The following PIP5K1B variants were observed in gnomAD, a reference collection of about 807,000 sequenced individuals.
PIP5K1B encodes the protein phosphatidylinositol 4-phosphate 5-kinase type-1 beta.
Under a neutral mutation model 67.0 loss-of-function variants are expected in PIP5K1B, and 42 were observed. The ratio of observed to expected loss-of-function variants is 0.63; its 90% CI spans 0.49 to 0.81. The LOEUF is 0.81. Among genes scored for constraint, PIP5K1B ranks in the 30% least tolerant of loss-of-function variants. The pLI, the probability that PIP5K1B is intolerant of heterozygous loss-of-function variation, is 0.00. For synonymous variants in PIP5K1B, 214 were observed against 231.4 expected (o/e 0.92, Z 0.68); for missense variants, 459 against 646.3 (o/e 0.71, Z 3.14).
chr9:68,999,093 G>A (rs147367553), intron 15 of PIP5K1B, among the ~76,000 whole-genome samples: 274 of 152,176 alleles, frequency 1.8e-3, no homozygotes, highest in African/African-American at 6.5e-3. Flanking sequence ...ATGTCCCTTG[G>A]TCCTTTGATC....
chr9:68,944,333 A>G (rs1264149214), intron 14 of PIP5K1B, among the ~76,000 whole-genome samples: 1 of 152,254 alleles, frequency 6.6e-6, no homozygotes, highest in African/African-American at 2.4e-5. Flanking sequence ...GTTAAGAACA[A>G]TTTCATTTAA....
intron 14 of PIP5K1B, among the ~76,000 whole-genome samples, chr9:68,975,530 G>A (rs1347298146): frequency 6.6e-6 from 1 of 152,218 alleles, no homozygotes; most frequent in East Asian, 1.9e-4. Context: ...GTTATGGAGG[G>A]AAAGTCAGTG....
intron 1 of PIP5K1B, among the ~76,000 whole-genome samples, chr9:68,733,648 T>C (rs1828569288): frequency 1.4e-5 from 2 of 140,844 alleles, no homozygotes; most frequent in South Asian, 4.8e-4. Context: ...TTTTTTTTTT[T>C]TTTTTTTTTG....
chr9:68,744,302 T>C (rs1829165223), intron 2 of PIP5K1B, among the ~76,000 whole-genome samples: 1 of 152,156 alleles, frequency 6.6e-6, no homozygotes, highest in Non-Finnish European at 1.5e-5. Context: ...CTTGAACAAA[T>C]AGGTTTCATG....
At chr9:68,905,970 G>C (rs1046631212) in intron 8 of PIP5K1B, among the ~76,000 whole-genome samples, 1 of 152,130 alleles carries the variant, frequency 6.6e-6, no homozygotes, top group Non-Finnish European at 1.5e-5. Context: ...GCAACTGAGT[G>C]TCCCTTTGAT....
At chr9:68,750,144 C>T (rs1287447603) in intron 2 of PIP5K1B, among the ~76,000 whole-genome samples, 2 of 152,226 alleles carry the variant, frequency 1.3e-5, no homozygotes, top group Non-Finnish European at 1.5e-5. Flanking sequence ...CTCTGCCATG[C>T]TACTTTGTCA....
intron 6 of PIP5K1B, among the ~76,000 whole-genome samples, chr9:68,882,671 A>G (rs1243801921): frequency 6.6e-6 from 1 of 152,192 alleles, no homozygotes; most frequent in Admixed American, 6.5e-5. Flanking sequence ...TGTTGTTTTC[A>G]TATTTTCACA....
intron 2 of PIP5K1B, among the ~76,000 whole-genome samples, chr9:68,786,670 G>A (rs1306381396): frequency 6.6e-6 from 1 of 151,772 alleles, no homozygotes; most frequent in Non-Finnish European, 1.5e-5. Context: ...GTGTATAGAA[G>A]GAAATCATGG....
rs1823228842 is a variant in PIP5K1B at position 68,863,922 on chromosome 9, T to C, written c.155T>C (p.Val52Ala). Reference protein sequence around the residue: ...GNLTSKPERDVLMQDFYVVES... With the variant: ...GNLTSKPERDALMQDFYVVES... Reference sequence around the variant, plus strand: ...CTCACTTCCAAGCCAGAACGAGATGTTCTTATGCAAGACTTTTATGTGGTG... The same window carrying C: ...CTCACTTCCAAGCCAGAACGAGATGCTCTTATGCAAGACTTTTATGTGGTG... The change falls in exon 5 of 16, where the codon GTT (valine) becomes GCT (alanine). Residue 52 changes from valine (V) to alanine (A), a missense_variant. Physicochemically the swap from Val to Ala is moderately conservative, Grantham distance 64. This residue lies in a region of PIP5K1B where 290 missense variants were observed against 474.4 expected (regional missense o/e 0.61). Transcript: ENST00000265382. The C allele has an allele frequency of 6.2e-7, 1 of 1,613,984 alleles. No homozygotes were observed. The highest frequency in any genetic ancestry group is 1.3e-5 in the African/African-American group (1 of 75,058).
intron 2 of PIP5K1B, among the ~76,000 whole-genome samples, chr9:68,769,522 G>A (rs1401282539): frequency 6.6e-6 from 1 of 152,168 alleles, no homozygotes; most frequent in Non-Finnish European, 1.5e-5. Flanking sequence ...CACACTGAAA[G>A]TATAACTAGC....
At chr9:68,772,691 A>G (rs1440872308) in intron 2 of PIP5K1B, among the ~76,000 whole-genome samples, 3 of 152,208 alleles carry the variant, frequency 2.0e-5, no homozygotes, top group Admixed American at 6.5e-5. Flanking sequence ...CTGCTTGTAT[A>G]TGAACCTTCC....
chr9:68,889,537 A>G (rs946562071), intron 7 of PIP5K1B, among the ~76,000 whole-genome samples: 16 of 151,998 alleles, frequency 1.1e-4, no homozygotes, highest in Admixed American at 5.9e-4. Context: ...GATTAAGACC[A>G]TCCTGGCTAA....
At chr9:68,999,083 A>G (rs1055587799) in intron 15 of PIP5K1B, among the ~76,000 whole-genome samples, 2 of 152,060 alleles carry the variant, frequency 1.3e-5, no homozygotes, top group African/African-American at 2.4e-5. Flanking sequence ...GTGGCTCCAC[A>G]TGTCCCTTGG....
chr9:68,721,420 G>T (rs771325930), intron 1 of PIP5K1B, among the ~76,000 whole-genome samples: 1 of 152,134 alleles, frequency 6.6e-6, no homozygotes, highest in Non-Finnish European at 1.5e-5. Context: ...TTGGGGAATG[G>T]TAGTAGTAGA....
At chr9:68,780,396 G>C (rs1344099489) in intron 2 of PIP5K1B, 1 of 1,613,794 alleles carries the variant, frequency 6.2e-7, no homozygotes, top group Non-Finnish European at 8.5e-7. Context: ...GGCCTCCCCT[G>C]TCCGCATGCA....
At chr9:68,975,566 T>A (rs1430575592) in intron 14 of PIP5K1B, among the ~76,000 whole-genome samples, 1 of 152,234 alleles carries the variant, frequency 6.6e-6, no homozygotes, top group East Asian at 1.9e-4. Flanking sequence ...CGAGGCCAGC[T>A]TGTCCTTCAG....
At chr9:68,946,308 G>A (rs1283300425) in intron 14 of PIP5K1B, among the ~76,000 whole-genome samples, 2 of 152,314 alleles carry the variant, frequency 1.3e-5, no homozygotes, top group East Asian at 3.9e-4. Context: ...CCAGTCTAGG[G>A]CTACACAGCC....
chr9:68,888,901 T>G (rs1021694315), intron 6 of PIP5K1B, 80 bp from the exon 7 acceptor site: 19 of 940,362 alleles, frequency 2.0e-5, no homozygotes, highest in Non-Finnish European at 3.0e-5. Flanking sequence ...AGCTAAGATG[T>G]GCAATGCTAT....
chr9:68,910,083 A>G (rs1022351149), intron 8 of PIP5K1B, among the ~76,000 whole-genome samples: 1 of 152,208 alleles, frequency 6.6e-6, no homozygotes, highest in Non-Finnish European at 1.5e-5. Context: ...TGGATGATTA[A>G]AGAGCCTTCA....
Sources: allele counts gnomAD v4.1 joint callset (sites outside exome capture counted in the v4.1 genomes callset), GRCh38; gene constraint gnomAD v4.1.1; regional missense constraint gnomAD v4.1.1; transcripts MANE v1.5; gene names NCBI Gene and HGNC (gene_info 2026-07-23, HGNC 2026-07-21).